The following SPMIP6 variants were observed in gnomAD, a reference collection of about 807,000 sequenced individuals.
The protein encoded by SPMIP6 is sperm microtubule inner protein 6.
the SPMIP6 span, among the ~76,000 whole-genome samples, chr9:34,395,409 CTGTCTTTATTGGTTTATCTTTGAT>C: frequency 6.6e-6 from 1 of 152,200 alleles, no homozygotes. Flanking sequence ...TCTAATAATG[CTGTCTTTATTGGTTTATCTTTGAT>C]TTTCCTCCTA....
the SPMIP6 span, among the ~76,000 whole-genome samples, chr9:34,391,029 G>A: frequency 6.6e-6 from 1 of 152,176 alleles, no homozygotes; most frequent in Non-Finnish European, 1.5e-5. Context: ...TAAAACAACT[G>A]TTCTTCGAGC....
the SPMIP6 span, among the ~76,000 whole-genome samples, chr9:34,384,339 A>G: frequency 7.2e-5 from 11 of 152,158 alleles, no homozygotes; most frequent in Non-Finnish European, 1.3e-4. Context: ...GCAGGATAAC[A>G]CCCTGAGGAA....
chr9:34,380,587 T>C, the SPMIP6 span: 1 of 1,414,028 alleles, frequency 7.1e-7, no homozygotes, highest in Admixed American at 2.7e-5. Context: ...ATGTGCGGGG[T>C]TTCTTCCTCA....
chr9:34,379,463 C>G, the SPMIP6 span, among the ~76,000 whole-genome samples: 1 of 152,222 alleles, frequency 6.6e-6, no homozygotes, highest in Non-Finnish European at 1.5e-5. The surrounding 1 kb of genome is among the most constrained non-coding windows in gnomAD (Gnocchi z 4.2). Context: ...TCCTAGCCCT[C>G]TCTTAAGGTC....
At chr9:34,387,525 C>T in the SPMIP6 span, among the ~76,000 whole-genome samples, 1 of 151,618 alleles carries the variant, frequency 6.6e-6, no homozygotes, top group Non-Finnish European at 1.5e-5. Context: ...CACACACACA[C>T]CCCTGTGTAC....
the SPMIP6 span, among the ~76,000 whole-genome samples, chr9:34,387,392 C>A: frequency 1.3e-5 from 2 of 152,130 alleles, no homozygotes; most frequent in Non-Finnish European, 2.9e-5. Context: ...ATCAACTGTG[C>A]CCAGCTGACA....
At chr9:34,388,595 C>G in the SPMIP6 span, among the ~76,000 whole-genome samples, 1 of 152,122 alleles carries the variant, frequency 6.6e-6, no homozygotes, top group Non-Finnish European at 1.5e-5. Flanking sequence ...CTTGGCTTTT[C>G]CATTGCTTGC....
At chr9:34,386,567 GACAGAGCAAGACTTCGTCTCAA>G in the SPMIP6 span, among the ~76,000 whole-genome samples, 1 of 146,160 alleles carries the variant, frequency 6.8e-6, no homozygotes, top group Admixed American at 7.0e-5. Context: ...CCAGTCTGGC[GACAGAGCAAGACTTCGTCTCAA>G]AAAAAAAAAA....
chr9:34,381,462 GCTACCT>G, the SPMIP6 span: 1 of 1,613,998 alleles, frequency 6.2e-7, no homozygotes, highest in Non-Finnish European at 8.5e-7. This position sits in a 1 kb window ranked among gnomAD's most constrained non-coding sequence, Gnocchi z 4.4. Flanking sequence ...CGGCACACAT[GCTACCT>G]CAAGCTCTGA....
the SPMIP6 span, chr9:34,381,379 G>C: frequency 6.2e-7 from 1 of 1,613,736 alleles, no homozygotes; most frequent in Non-Finnish European, 8.5e-7. The surrounding 1 kb of genome is among the most constrained non-coding windows in gnomAD (Gnocchi z 4.4). Flanking sequence ...CGTAGGCATT[G>C]AGCCGCTCCG....
chr9:34,381,452 C>T, the SPMIP6 span: 7 of 1,613,940 alleles, frequency 4.3e-6, no homozygotes, highest in Non-Finnish European at 5.1e-6. This position sits in a 1 kb window ranked among gnomAD's most constrained non-coding sequence, Gnocchi z 4.4. Context: ...CTCCTGGAAG[C>T]GGCACACATG....
chr9:34,385,621 A>G, the SPMIP6 span: 7 of 1,611,774 alleles, frequency 4.3e-6, no homozygotes, highest in Non-Finnish European at 5.9e-6. Context: ...GGGGTCAGCA[A>G]AGGGTGAGGC....
chr9:34,397,553 C>G, the SPMIP6 span: 1 of 1,613,922 alleles, frequency 6.2e-7, no homozygotes, highest in South Asian at 1.1e-5. Context: ...CCTTATAGAC[C>G]TCCTTGATGG....
the SPMIP6 span, chr9:34,381,525 C>A: frequency 6.3e-7 from 1 of 1,589,654 alleles, no homozygotes; most frequent in South Asian, 1.1e-5. The surrounding 1 kb of genome is among the most constrained non-coding windows in gnomAD (Gnocchi z 4.4). Flanking sequence ...AACACCCAGA[C>A]CTATCGCCAC....
the SPMIP6 span, chr9:34,379,823 G>T: frequency 2.0e-6 from 2 of 981,384 alleles, no homozygotes; most frequent in Non-Finnish European, 3.2e-6. The surrounding 1 kb of genome is among the most constrained non-coding windows in gnomAD (Gnocchi z 4.2). Flanking sequence ...GGCGCTTCAG[G>T]TGTCCGTCCC....
chr9:34,379,121 A>G, the SPMIP6 span: 1 of 1,613,858 alleles, frequency 6.2e-7, no homozygotes, highest in Non-Finnish European at 8.5e-7. The surrounding 1 kb of genome is among the most constrained non-coding windows in gnomAD (Gnocchi z 4.2). Context: ...CAAACTCAGG[A>G]TGGATAACAT....
At chr9:34,380,938 G>A in the SPMIP6 span, 1 of 1,599,118 alleles carries the variant, frequency 6.3e-7, no homozygotes, top group Non-Finnish European at 8.5e-7. Flanking sequence ...GCAGGCGGCG[G>A]TCGGTGCAGG....
the SPMIP6 span, among the ~76,000 whole-genome samples, chr9:34,388,455 C>T: frequency 6.6e-6 from 1 of 152,056 alleles, no homozygotes; most frequent in Non-Finnish European, 1.5e-5. Flanking sequence ...CCTGGCCTAA[C>T]TGCTTCTTAA....
At chr9:34,384,062 C>A in the SPMIP6 span, among the ~76,000 whole-genome samples, 3 of 152,168 alleles carry the variant, frequency 2.0e-5, no homozygotes, top group Admixed American at 1.3e-4. Context: ...AATACATATG[C>A]GACACGGTGT....
Sources: gnomAD v4.1 joint callset for allele counts (sites outside exome capture counted in the v4.1 genomes callset) on GRCh38, gnomAD v4.1.1 for gene constraint, Gnocchi (gnomAD v3.1) non-coding constraint, MANE v1.5 for transcripts, NCBI Gene and HGNC (gene_info 2026-07-23, HGNC 2026-07-21) for gene names.